The following PON2 variants were observed in gnomAD, a reference collection of about 807,000 sequenced individuals.
The protein encoded by PON2 is serum paraoxonase/arylesterase 2.
PON2 carries 27 observed loss-of-function variants against 36.6 expected under a neutral mutation model. The ratio of observed to expected loss-of-function variants is 0.74; its 90% confidence interval spans 0.54 to 1.02. The LOEUF (loss-of-function observed/expected upper bound fraction) is 1.02. Among genes scored for constraint, PON2 ranks in the 50% least tolerant of loss-of-function variants. The probability of loss-of-function intolerance (pLI) is 0.00; values close to 1 mark genes in which losing one functional copy is unlikely to be tolerated. For missense variants in PON2, 363 were observed against 421.1 expected (o/e 0.86, Z 1.21); for synonymous variants, 149 against 156.3 (o/e 0.95, Z 0.35).
chr7:95,424,171 T>C (rs1187092762), intron 2 of PON2: 1 of 336,616 alleles, frequency 3.0e-6, no homozygotes, highest in Non-Finnish European at 5.6e-6. Flanking sequence ...TAAAGCTTCC[T>C]TCACTAGCTG....
At chr7:95,424,427 A>G (rs1253424270) in intron 2 of PON2, 88 bp downstream of exon 2, 1 of 1,075,150 alleles carries the variant, frequency 9.3e-7, no homozygotes, top group Non-Finnish European at 1.4e-6. Flanking sequence ...GAAAAGCAGT[A>G]ATTTCATGCT....
At chr7:95,428,318 G>A (rs886458738) in intron 1 of PON2, among the ~76,000 whole-genome samples, 6 of 152,072 alleles carry the variant, frequency 3.9e-5, no homozygotes, top group Non-Finnish European at 8.8e-5. Flanking sequence ...CTTCATTGGT[G>A]TCACAATCAT....
chr7:95,430,569 G>A (rs1451631116), intron 1 of PON2, among the ~76,000 whole-genome samples: 1 of 151,904 alleles, frequency 6.6e-6, no homozygotes, highest in Non-Finnish European at 1.5e-5. Context: ...AAAGTGCTGG[G>A]ATTATAGTAA....
chr7:95,406,244 G>C lies in PON2; in HGVS notation c.781C>G (p.Leu261Val). The C allele has an allele frequency of 6.2e-7, 1 of 1,610,244 alleles. No individual in the cohort carries two copies. Among genetic ancestry groups the C allele is most frequent in the Non-Finnish European group, 8.5e-7 (1 of 1,176,622 alleles). ...TTATCCACCAGTGTATCCAGCTCAA[G>C]TACCTTCCAAATGAGAAATTGTCAA... ...TNMNLTQLKV[L>V]ELDTLVDNLS... Residue 261 changes from leucine to valine, a missense_variant, in exon 8 of 9, where the codon CTT (leucine) becomes GTT (valine). Coordinates refer to ENST00000222572, the MANE Select transcript of PON2 (RefSeq NM_000305.3).
chr7:95,410,739 ATTAAAT>A (rs776303731), intron 5 of PON2, among the ~76,000 whole-genome samples: 4 of 152,226 alleles, frequency 2.6e-5, no homozygotes, highest in Non-Finnish European at 4.4e-5. Context: ...TGAGGGTGTT[ATTAAAT>A]TTAAATTCCA....
At chr7:95,408,094 A>T (rs1397886585) in intron 6 of PON2, among the ~76,000 whole-genome samples, 1 of 152,234 alleles carries the variant, frequency 6.6e-6, no homozygotes, top group East Asian at 1.9e-4. Flanking sequence ...ATTGGATTCC[A>T]CTGAAATCTT....
intron 6 of PON2, among the ~76,000 whole-genome samples, chr7:95,407,896 G>A (rs62469566): frequency 0.018 from 2,760 of 152,248 alleles, 66 homozygotes; most frequent in Admixed American, 0.054. Context: ...AGATGAGGAC[G>A]GAGGAGGCAC....
chr7:95,405,108 G>C lies in PON2; in HGVS notation c.*222C>G. 1 of 512,522 alleles carries C rather than the reference G, an allele frequency of 2.0e-6. No individual in the cohort carries two copies. The highest frequency in any genetic ancestry group is 3.5e-6 in the Non-Finnish European group (1 of 285,480). 31.7% of individuals were successfully genotyped at this position (512,522 alleles called of 1,614,324 possible). On this transcript the variant is annotated 3_prime_UTR_variant, in exon 9 of 9. Coordinates refer to ENST00000222572, the MANE Select transcript of PON2 (RefSeq NM_000305.3). ...AATGTATTCACTTTATTCGAAAGCA[G>C]CTTTCTTTTCTGTCCCTTGCTTGGC...
intron 1 of PON2, among the ~76,000 whole-genome samples, chr7:95,430,866 G>A (rs1585767299): frequency 6.7e-6 from 1 of 149,524 alleles, no homozygotes; most frequent in African/African-American, 2.5e-5. Flanking sequence ...GCACACAAGA[G>A]TTACATAATA....
intron 1 of PON2, among the ~76,000 whole-genome samples, chr7:95,429,875 T>G (rs928586444): frequency 3.3e-5 from 5 of 152,154 alleles, no homozygotes; most frequent in Non-Finnish European, 7.4e-5. Flanking sequence ...TGCTTAGGCC[T>G]GTAAACCTAG....
At chr7:95,409,132 G>A (rs1452200349) in intron 6 of PON2, among the ~76,000 whole-genome samples, 1 of 152,094 alleles carries the variant, frequency 6.6e-6, no homozygotes, top group African/African-American at 2.4e-5. Context: ...GACCAACATG[G>A]AGAAACCTCA....
At chr7:95,423,353 A>G (rs897751811) in intron 2 of PON2, among the ~76,000 whole-genome samples, 1 of 151,904 alleles carries the variant, frequency 6.6e-6, no homozygotes, top group African/African-American at 2.4e-5. Flanking sequence ...TAAAATTTAA[A>G]AAAAAGGAAA....
chr7:95,432,763 C>T (rs1243855754), intron 1 of PON2, among the ~76,000 whole-genome samples: 1 of 152,188 alleles, frequency 6.6e-6, no homozygotes, highest in East Asian at 1.9e-4. Context: ...TCAACATGTC[C>T]ATTTCCTACC....
intron 3 of PON2, 140 bp from the exon 4 acceptor site, chr7:95,412,617 A>G: frequency 1.2e-6 from 1 of 800,360 alleles, no homozygotes; most frequent in Non-Finnish European, 2.0e-6. Context: ...AAACAGAGAA[A>G]AGATAACAGA....
At chr7:95,420,817 A>G (rs994484035) in intron 2 of PON2, among the ~76,000 whole-genome samples, 1 of 152,204 alleles carries the variant, frequency 6.6e-6, no homozygotes, top group Non-Finnish European at 1.5e-5. Context: ...TTTTGCCTGT[A>G]TAGAAATGTG....
chr7:95,419,054 C>G (rs1273481408), intron 2 of PON2, among the ~76,000 whole-genome samples: 2 of 152,172 alleles, frequency 1.3e-5, no homozygotes, highest in Non-Finnish European at 2.9e-5. Flanking sequence ...CATTACTACA[C>G]TAAAAATTCA....
rs1457227321 is a variant in PON2, at chr7:95,405,970, T to C, written c.906+149A>G. 1.2e-5 allele frequency: 10 copies of C among 829,566 alleles called. No individual in the cohort carries two copies. In the Admixed American group the frequency reaches 2.1e-4, roughly 18 times the overall value. 51.4% of individuals were successfully genotyped at this position (829,566 alleles called of 1,614,324 possible). A position where few individuals can be genotyped will look rare whatever the true frequency, so the allele number is the denominator to read the frequency against. On this transcript the variant is annotated intron_variant, in intron 8 of 8. Transcript: ENST00000222572. ...GAACAATGTAACATTCTGCCAATTA[T>C]TGGCTTAACGCAATTACAAAACCAC...
intron 1 of PON2, among the ~76,000 whole-genome samples, chr7:95,432,592 A>C (rs1789468355): frequency 6.6e-6 from 1 of 152,158 alleles, no homozygotes. Flanking sequence ...TCCAACTTGC[A>C]GAAAAACTGG....
At position 95,416,350 on chromosome 7, in the gene PON2, C is replaced by T. The variant is rs1015676628; in HGVS notation, c.146-53G>A. The T allele has an allele frequency of 1.1e-5, 17 of 1,580,338 alleles. No homozygotes were observed. The Admixed American group carries it at 2.8e-4, about 26-fold the overall frequency. On this transcript the variant is annotated intron_variant, in intron 2 of 8. Coordinates refer to ENST00000222572, the MANE Select transcript of PON2 (RefSeq NM_000305.3). ...CATGTTCAAGTTCTGTTATTTGTTA[C>T]ACAGAGCATAACTGGGACTCTGTTT...
Sources: allele counts gnomAD v4.1 joint callset (sites outside exome capture counted in the v4.1 genomes callset), GRCh38; gene constraint gnomAD v4.1.1; transcripts MANE v1.5; gene names NCBI Gene and HGNC (gene_info 2026-07-23, HGNC 2026-07-21).